Variants in KIAA0586 observed in about 807,000 individuals in gnomAD.
KIAA0586 encodes KIAA0586.
Under a neutral mutation model 169.8 loss-of-function variants are expected in KIAA0586, and 144 were observed. The ratio of observed to expected loss-of-function variants is 0.85; its 90% CI spans 0.74 to 0.97. The LOEUF (loss-of-function observed/expected upper bound fraction) is 0.97. KIAA0586 is among the 50% of genes least tolerant of loss of function. The probability of loss-of-function intolerance (pLI) is 0.00; values close to 1 mark genes in which losing one functional copy is unlikely to be tolerated. For synonymous variants in KIAA0586, 625 were observed against 612.4 expected (o/e 1.02, Z -0.30); for missense variants, 1,854 against 1,823.0 (o/e 1.02, Z -0.31).
intron 29 of KIAA0586, among the ~76,000 whole-genome samples, chr14:58,537,511 G>T (rs2046369004): frequency 6.6e-6 from 1 of 152,142 alleles, no homozygotes; most frequent in Non-Finnish European, 1.5e-5. Context: ...TGTGTTCTCT[G>T]TAGAATTTGA....
At chr14:58,429,013 GA>G (rs954447215) in intron 1 of KIAA0586, among the ~76,000 whole-genome samples, 2 of 152,126 alleles carry the variant, frequency 1.3e-5, no homozygotes, top group Admixed American at 6.5e-5. Flanking sequence ...TTCTTTGGGG[GA>G]TACAGCGGTG....
intron 14 of KIAA0586, among the ~76,000 whole-genome samples, chr14:58,464,988 C>T (rs1243871507): frequency 2.6e-5 from 4 of 152,126 alleles, no homozygotes; most frequent in African/African-American, 9.7e-5. Context: ...GGGAGGATCA[C>T]TTGAGCCTGG....
At chr14:58,532,414 T>G (rs55978315) in intron 29 of KIAA0586, among the ~76,000 whole-genome samples, 1,976 of 152,276 alleles carry the variant, frequency 0.013, 48 homozygotes, top group African/African-American at 0.044. Context: ...GAGTAGCCAA[T>G]GGGTATAATC....
intron 29 of KIAA0586, chr14:58,521,389 A>G: frequency 2.2e-6 from 2 of 921,040 alleles, no homozygotes; most frequent in Non-Finnish European, 3.5e-6. Context: ...GCCTTTGTTT[A>G]GTATGTTAAT....
At chr14:58,465,784 G>C in intron 14 of KIAA0586, 51 bp from the exon 15 acceptor site, 1 of 1,146,140 alleles carries the variant, frequency 8.7e-7, no homozygotes, top group Non-Finnish European at 1.3e-6. Flanking sequence ...TGTCTGGATA[G>C]TAGATATTCT....
chr14:58,502,800 T>C (rs1789080908), intron 27 of KIAA0586, among the ~76,000 whole-genome samples: 1 of 152,216 alleles, frequency 6.6e-6, no homozygotes, highest in South Asian at 2.1e-4. Flanking sequence ...AATTTGTTCC[T>C]CTTGTTTCAA....
intron 30 of KIAA0586, among the ~76,000 whole-genome samples, chr14:58,545,867 A>G (rs943696884): frequency 6.6e-6 from 1 of 151,670 alleles, no homozygotes; most frequent in Non-Finnish European, 1.5e-5. Flanking sequence ...CCCTCCCTCT[A>G]CAAAAAATTT....
chr14:58,440,049 A>ATTTTTT (rs59044231), intron 4 of KIAA0586: 4 of 164,234 alleles, frequency 2.4e-5, no homozygotes, highest in Non-Finnish European at 5.0e-5. Flanking sequence ...TTAATTTTTA[A>ATTTTTT]TTTTTTTTTT....
rs779653057 is a variant in KIAA0586, at chr14:58,540,076, C to T, written c.4435C>T (p.Pro1479Ser). 1.9e-6 allele frequency: 3 copies of T among 1,543,400 alleles called. No individual in the cohort carries two copies. Among genetic ancestry groups the T allele is most frequent in the Middle Eastern group, 3.3e-4 (2 of 5,974 alleles). The change falls in exon 30 of 31, where the codon CCA becomes TCA. Residue 1479 changes from proline to serine, a missense_variant. By Grantham distance (74) the Pro-to-Ser change is moderately conservative (BLOSUM62 -1). Coordinates refer to ENST00000652326, the MANE Select transcript of KIAA0586 (RefSeq NM_001329943.3). The stretch of plus-strand genomic sequence containing the variant: ...AAAAATAAATTTTTATGTAGTTTCA[C>T]CAGGTGATATGGATCGGACACAAAT... ...DIAPSQQQVSPGDMDRTQIEL... is the reference protein window; with the variant it reads ...DIAPSQQQVSSGDMDRTQIEL...
rs187947593 is a variant in KIAA0586 at position 58,532,876 on chromosome 14, G to A, written c.4430-7195G>A. On this transcript the variant is annotated intron_variant, in intron 29 of 30. Transcript: ENST00000652326. ...GTTAAAATGGTAAAACAAATTACTC[G>A]TTATGGAATATATACCCACAAAAGT... Among the ~76,000 whole-genome samples, 19 of 152,208 alleles carry A rather than the reference G, an allele frequency of 1.2e-4. No individual in the cohort carries two copies. In the East Asian group the frequency reaches 3.5e-3, roughly 28 times the overall value.
chr14:58,537,091 G>C, intron 29 of KIAA0586: 1 of 1,228,106 alleles, frequency 8.1e-7, no homozygotes. Context: ...TGTAGGCCGT[G>C]TTTGCTGTTT....
intron 6 of KIAA0586, among the ~76,000 whole-genome samples, chr14:58,446,525 G>C (rs2038918154): frequency 6.6e-6 from 1 of 151,776 alleles, no homozygotes; most frequent in African/African-American, 2.4e-5. Context: ...ATATATATGT[G>C]TGTGTGTATA....
intron 21 of KIAA0586, among the ~76,000 whole-genome samples, chr14:58,484,604 T>C (rs1468989113): frequency 6.6e-6 from 1 of 151,656 alleles, no homozygotes; most frequent in South Asian, 2.1e-4. Flanking sequence ...CCTTTCATCA[T>C]GATGAGTTAT....
intron 29 of KIAA0586, among the ~76,000 whole-genome samples, chr14:58,532,034 G>GA (rs1566949485): frequency 1.3e-5 from 2 of 151,996 alleles, no homozygotes. Context: ...GGGGCCTGTC[G>GA]GGGGGTGGGG....
intron 29 of KIAA0586, among the ~76,000 whole-genome samples, chr14:58,520,622 A>T (rs904865144): frequency 6.6e-6 from 1 of 152,052 alleles, no homozygotes; most frequent in African/African-American, 2.4e-5. Context: ...TCCCGGTCTC[A>T]AGCAATTTTC....
At chr14:58,471,733 A>C (rs1423161523) in intron 17 of KIAA0586, among the ~76,000 whole-genome samples, 1 of 152,166 alleles carries the variant, frequency 6.6e-6, no homozygotes, top group Non-Finnish European at 1.5e-5. Context: ...TGTCAGTAAG[A>C]GGCTATTGCA....
chr14:58,549,761 G>A lies in KIAA0586; in HGVS notation c.*1829G>A, dbSNP rs917381352. The A allele has an allele frequency of 1.3e-5, 2 of 152,152 alleles. No individual in the cohort carries two copies. Among genetic ancestry groups the A allele is most frequent in the African/African-American group, 4.8e-5 (2 of 41,424 alleles). The allele number at this position is 152,152 out of a possible 1,614,324, so 9.4% of individuals were successfully genotyped here. A position where few individuals can be genotyped will look rare whatever the true frequency, so the allele number is the denominator to read the frequency against. ...CTTAGTGCTGCTTCATTTTAAACAT[G>A]ACACCCCACCCCCCAACCTTGGTTT... On this transcript the variant is annotated 3_prime_UTR_variant, in exon 31 of 31. Transcript: ENST00000652326.
intron 27 of KIAA0586, among the ~76,000 whole-genome samples, chr14:58,502,726 T>C (rs1448949455): frequency 6.6e-6 from 1 of 152,190 alleles, no homozygotes; most frequent in African/African-American, 2.4e-5. Context: ...TACTATCTTA[T>C]ATGTACTTAA....
At position 58,445,768 on chromosome 14, in the gene KIAA0586, A is replaced by G. The variant is rs375110081; in HGVS notation, c.807+1593A>G. Among the ~76,000 whole-genome samples the G allele has an allele frequency of 1.0e-4, 14 of 134,146 alleles. 1 individual carries two copies. The Admixed American group carries it at 1.1e-3, about 10-fold the overall frequency. 88.0% of individuals were successfully genotyped at this position (134,146 alleles called of 152,430 possible). A position where few individuals can be genotyped will look rare whatever the true frequency, so the allele number is the denominator to read the frequency against. The stretch of plus-strand genomic sequence containing the variant: ...ATTTCTAACTCCTAGAACACGACTT[A>G]GCACTCAGTAAACTCTTTTTTTTTT... On this transcript the variant is annotated intron_variant, in intron 6 of 30. Coordinates refer to ENST00000652326, the MANE Select transcript of KIAA0586 (RefSeq NM_001329943.3).
Sources: gnomAD v4.1 joint callset for allele counts (sites outside exome capture counted in the v4.1 genomes callset) on GRCh38, gnomAD v4.1.1 for gene constraint, MANE v1.5 for transcripts, NCBI Gene and HGNC (gene_info 2026-07-23, HGNC 2026-07-21) for gene names.